The following PRELID2 variants were observed in gnomAD, a reference collection of about 807,000 sequenced individuals.
PRELID2 encodes the protein PRELI domain-containing protein 2.
In PRELID2, 25 loss-of-function variants were observed where a neutral mutation model predicts 28.4. That is an observed-to-expected ratio of 0.88 (90% confidence interval 0.64 to 1.23). The LOEUF (loss-of-function observed/expected upper bound fraction) is 1.23. PRELID2 is among the 50% of genes most tolerant of loss of function. The pLI, the probability that PRELID2 is intolerant of heterozygous loss-of-function variation, is 0.00. For missense variants in PRELID2, 201 were observed against 214.4 expected (o/e 0.94, Z 0.39); for synonymous variants, 76 against 71.6 (o/e 1.06, Z -0.31).
chr5:145,489,341 A>G (rs1299468232), intron 1 of PRELID2, among the ~76,000 whole-genome samples: 2 of 152,202 alleles, frequency 1.3e-5, no homozygotes, highest in East Asian at 1.9e-4. Context: ...TTAGCCTCCA[A>G]TAACAGCAAA....
At chr5:145,242,340 A>T in the PRELID2 span, among the ~76,000 whole-genome samples, 1 of 152,140 alleles carries the variant, frequency 6.6e-6, no homozygotes, top group African/African-American at 2.4e-5. Flanking sequence ...GACATTAAAT[A>T]ACACTATCAA....
chr5:145,429,529 T>C, the PRELID2 span, among the ~76,000 whole-genome samples: 5 of 152,134 alleles, frequency 3.3e-5, no homozygotes, highest in African/African-American at 1.2e-4. Flanking sequence ...TGGAAAGAGA[T>C]TGATATTTCA....
the PRELID2 span, among the ~76,000 whole-genome samples, chr5:145,382,641 CA>C: frequency 6.6e-6 from 1 of 151,836 alleles, no homozygotes; most frequent in Non-Finnish European, 1.5e-5. Flanking sequence ...AAAGATAAGA[CA>C]AAGATATTTT....
the PRELID2 span, among the ~76,000 whole-genome samples, chr5:145,260,464 T>G: frequency 2.4e-4 from 36 of 152,342 alleles, no homozygotes; most frequent in Admixed American, 9.8e-4. Flanking sequence ...TCGACTTACA[T>G]AATTGAAATT....
At chr5:145,778,849 G>A (rs1294694601) in intron 5 of PRELID2, among the ~76,000 whole-genome samples, 1 of 152,194 alleles carries the variant, frequency 6.6e-6, no homozygotes, top group African/African-American at 2.4e-5. Flanking sequence ...CTCAGGCAAA[G>A]GTGTCACCAG....
the PRELID2 span, among the ~76,000 whole-genome samples, chr5:145,319,226 C>T: frequency 6.6e-5 from 10 of 152,252 alleles, no homozygotes; most frequent in Admixed American, 6.5e-4. Context: ...TGGGGAACCA[C>T]ACTTTTCTAC....
At chr5:145,767,156 C>G (rs540558720) in intron 5 of PRELID2, among the ~76,000 whole-genome samples, 1 of 137,820 alleles carries the variant, frequency 7.3e-6, no homozygotes, top group East Asian at 2.5e-4. Flanking sequence ...CCATAAAAAC[C>G]CCAGGCCCCA....
intron 1 of PRELID2, among the ~76,000 whole-genome samples, chr5:145,651,566 G>C (rs1754298477): frequency 6.6e-6 from 1 of 152,184 alleles, no homozygotes; most frequent in Admixed American, 6.5e-5. Context: ...AGCTTCCAGA[G>C]GAATGATCAG....
Position 145,553,190 on chromosome 5 carries a change from C to A in PRELID2, n.71-79875G>T, listed in dbSNP as rs1388427426. 5.7e-5 allele frequency among the ~76,000 whole-genome samples: 8 copies of A among 141,578 alleles called. No individual in the cohort carries two copies. The South Asian group carries it at 1.4e-3, about 25-fold the overall frequency. The allele number at this position is 141,578 out of a possible 152,430, so 92.9% of individuals were successfully genotyped here. ...ATACCAGTTGCTAGAGGACCCCCCC[C>A]CCCAAAAAAAAAGGGAGCTGTTAAT... On this transcript the variant is annotated intron_variant and non_coding_transcript_variant, in intron 1 of 2. Coordinates refer to the PRELID2 transcript ENST00000510259.
chr5:145,532,290 T>C (rs986252105), intron 1 of PRELID2, among the ~76,000 whole-genome samples: 1 of 152,128 alleles, frequency 6.6e-6, no homozygotes, highest in Admixed American at 6.6e-5. Flanking sequence ...AAGTATTAAA[T>C]AAGATCATCG....
At chr5:145,344,557 C>T in the PRELID2 span, among the ~76,000 whole-genome samples, 7 of 152,120 alleles carry the variant, frequency 4.6e-5, no homozygotes, top group South Asian at 1.2e-3. Context: ...ACTTTGCACA[C>T]GTTTCCACAT....
intron 1 of PRELID2, among the ~76,000 whole-genome samples, chr5:145,741,958 T>G (rs1316515987): frequency 0.032 from 368 of 11,370 alleles, 4 homozygotes; most frequent in African/African-American, 0.04. Context: ...TTTATTATAA[T>G]TAAATAAATA....
the PRELID2 span, among the ~76,000 whole-genome samples, chr5:145,453,434 C>T: frequency 9.2e-5 from 14 of 152,132 alleles, no homozygotes; most frequent in Admixed American, 2.0e-4. Context: ...GAACCACCAA[C>T]GGTTTCCCAT....
chr5:145,578,027 T>C (rs996355928), intron 1 of PRELID2, among the ~76,000 whole-genome samples: 3 of 152,018 alleles, frequency 2.0e-5, no homozygotes, highest in Non-Finnish European at 4.4e-5. Flanking sequence ...CCAGAAAATT[T>C]TTCTTACTAA....
chr5:145,302,232 T>C, the PRELID2 span, among the ~76,000 whole-genome samples: 1 of 152,022 alleles, frequency 6.6e-6, no homozygotes, highest in Admixed American at 6.6e-5. Flanking sequence ...CAATCTTGGC[T>C]CACATCAAGG....
chr5:145,604,155 G>T (rs547870833), intron 1 of PRELID2, among the ~76,000 whole-genome samples: 1 of 152,084 alleles, frequency 6.6e-6, no homozygotes, highest in Admixed American at 6.6e-5. Context: ...TAGATAAATT[G>T]TGTGTCACGA....
chr5:145,475,111 T>C (rs1319031115), intron 1 of PRELID2, among the ~76,000 whole-genome samples: 1 of 152,208 alleles, frequency 6.6e-6, no homozygotes, highest in Non-Finnish European at 1.5e-5. Context: ...GGTATGTGCA[T>C]GTTATTCCAT....
At chr5:145,726,854 C>T (rs1756181863) in intron 1 of PRELID2, among the ~76,000 whole-genome samples, 1 of 152,166 alleles carries the variant, frequency 6.6e-6, no homozygotes, top group Non-Finnish European at 1.5e-5. Flanking sequence ...GCTCTGCCCA[C>T]ACAAATTGTA....
chr5:145,279,965 T>C, the PRELID2 span, among the ~76,000 whole-genome samples: 1 of 152,174 alleles, frequency 6.6e-6, no homozygotes, highest in Non-Finnish European at 1.5e-5. Context: ...TGCCCTCTTG[T>C]ATCTCAATCA....
Sources: gnomAD v4.1 joint callset for allele counts (sites outside exome capture counted in the v4.1 genomes callset) on GRCh38, gnomAD v4.1.1 for gene constraint, MANE v1.5 for transcripts, NCBI Gene and HGNC (gene_info 2026-07-23, HGNC 2026-07-21) for gene names.